The following MACROD2 variants were observed in gnomAD, a reference collection of about 807,000 sequenced individuals.
The protein encoded by MACROD2 is mono-ADP ribosylhydrolase 2.
A neutral mutation model predicts 70.4 loss-of-function variants in MACROD2; 36 were observed. That is an observed-to-expected ratio of 0.51 (90% CI 0.39 to 0.68). The LOEUF is 0.68. Ranked by LOEUF, MACROD2 falls within the 30% of genes least tolerant of loss-of-function variation. MACROD2 has a pLI of 0.00. For synonymous variants in MACROD2, 172 were observed against 178.8 expected, an observed-to-expected ratio of 0.96 and a Z score of 0.30; for missense variants, 496 against 538.4, an observed-to-expected ratio of 0.92 and a Z score of 0.78.
chr20:14,416,350 C>T (rs1315345290), intron 3 of MACROD2, among the ~76,000 whole-genome samples: 2 of 152,048 alleles, frequency 1.3e-5, no homozygotes, highest in Non-Finnish European at 1.5e-5. Context: ...TTTTTTCCCC[C>T]CAGTGTAAAT....
chr20:15,275,250 A>G (rs2077380636), intron 6 of MACROD2, among the ~76,000 whole-genome samples: 1 of 152,198 alleles, frequency 6.6e-6, no homozygotes, highest in African/African-American at 2.4e-5. Flanking sequence ...AAACAAACAA[A>G]CAAAAACAAC....
intron 3 of MACROD2, among the ~76,000 whole-genome samples, chr20:14,253,230 T>C (rs1186302686): frequency 1.3e-5 from 2 of 152,202 alleles, no homozygotes; most frequent in African/African-American, 4.8e-5. Flanking sequence ...CTTGCTTTGA[T>C]AAATACCTTT....
chr20:15,536,742 T>G (rs1022962495), intron 8 of MACROD2, among the ~76,000 whole-genome samples: 2 of 152,208 alleles, frequency 1.3e-5, no homozygotes, highest in African/African-American at 4.8e-5. Context: ...TGCTCTTCGG[T>G]GCGTTTCTGG....
chr20:14,313,860 T>C (rs1418122717), intron 3 of MACROD2, among the ~76,000 whole-genome samples: 2 of 152,152 alleles, frequency 1.3e-5, no homozygotes, highest in Non-Finnish European at 2.9e-5. Flanking sequence ...GATTCAGAAC[T>C]AGAAAGAAGG....
chr20:15,899,752 A>C (rs2065037000), intron 10 of MACROD2, among the ~76,000 whole-genome samples: 1 of 152,204 alleles, frequency 6.6e-6, no homozygotes, highest in African/African-American at 2.4e-5. Context: ...ATGCTCATTC[A>C]TCAGGAAACT....
intron 3 of MACROD2, among the ~76,000 whole-genome samples, chr20:14,320,213 G>A (rs1011286615): frequency 6.6e-6 from 1 of 152,068 alleles, no homozygotes; most frequent in Non-Finnish European, 1.5e-5. Context: ...CTACTTACCT[G>A]TGCTGAAAAT....
At chr20:14,308,031 G>A (rs1050060052) in intron 3 of MACROD2, among the ~76,000 whole-genome samples, 1 of 152,096 alleles carries the variant, frequency 6.6e-6, no homozygotes, top group African/African-American at 2.4e-5. Context: ...GTTGATTAGA[G>A]CTGTTTCATG....
chr20:15,128,073 C>T (rs1231589189), intron 5 of MACROD2, among the ~76,000 whole-genome samples: 1 of 152,030 alleles, frequency 6.6e-6, no homozygotes, highest in South Asian at 2.1e-4. Flanking sequence ...TTAGAGTCAC[C>T]TACTCACCGT....
chr20:15,777,652 C>T lies in MACROD2; in HGVS notation c.646-85093C>T, dbSNP rs12480292. ...CTCCTTCCTTCCTCTCTCTCTCTCTCTCTTTCTTTCGAGACAGAGTCTCAC... is the reference window on the plus strand; with the variant it reads ...CTCCTTCCTTCCTCTCTCTCTCTCTTTCTTTCTTTCGAGACAGAGTCTCAC... On this transcript the variant is annotated intron_variant, in intron 8 of 17. Transcript: ENST00000684519. Among the ~76,000 whole-genome samples the T allele has an allele frequency of 8.4e-3, 1,130 of 134,938 alleles. 47 individuals carry two copies. Among genetic ancestry groups the T allele is most frequent in the African/African-American group, 0.028 (999 of 36,230 alleles). 88.5% of individuals were successfully genotyped at this position (134,938 alleles called of 152,430 possible). A position where few individuals can be genotyped will look rare whatever the true frequency, so the allele number is the denominator to read the frequency against.
In MACROD2 at chr20:15,336,385, A is replaced by C. The variant is rs148968911; in HGVS notation, c.541-95020A>C. Among the ~76,000 whole-genome samples, 7 of 129,066 alleles carry C rather than the reference A, an allele frequency of 5.4e-5. No individual in the cohort carries two copies. The Admixed American group carries it at 5.6e-4, about 10-fold the overall frequency. The allele number at this position is 129,066 out of a possible 152,430, so 84.7% of individuals were successfully genotyped here. On this transcript the variant is annotated intron_variant, in intron 6 of 17. Coordinates refer to ENST00000684519, the MANE Select transcript of MACROD2 (RefSeq NM_001351661.2). ...TTGTGTGTTTTAACCAAAAAAAAAAAAGAAAAAAAAAGGTGTGGAATTGAT... is the reference window on the plus strand; with the variant it reads ...TTGTGTGTTTTAACCAAAAAAAAAACAGAAAAAAAAAGGTGTGGAATTGAT...
chr20:14,218,914 A>G (rs998252887), intron 3 of MACROD2, among the ~76,000 whole-genome samples: 4 of 152,156 alleles, frequency 2.6e-5, no homozygotes, highest in African/African-American at 9.7e-5. Context: ...TGTTAATCTG[A>G]TAGGTGTTTC....
intron 8 of MACROD2, among the ~76,000 whole-genome samples, chr20:15,765,794 T>C (rs1408701181): frequency 6.6e-6 from 1 of 151,654 alleles, no homozygotes; most frequent in Non-Finnish European, 1.5e-5. Flanking sequence ...AGACAGATAA[T>C]AGAGCTTGTA....
intron 4 of MACROD2, among the ~76,000 whole-genome samples, chr20:14,644,397 T>C (rs1985262331): frequency 6.6e-6 from 1 of 152,246 alleles, no homozygotes; most frequent in Non-Finnish European, 1.5e-5. Flanking sequence ...TTTGCCTTTC[T>C]TTGTAACTCA....
chr20:14,144,572 CTGTT>C (rs1372487376), intron 3 of MACROD2, among the ~76,000 whole-genome samples: 8 of 152,184 alleles, frequency 5.3e-5, no homozygotes, highest in Non-Finnish European at 1.2e-4. Context: ...ATCCTATTGT[CTGTT>C]CTTACAGCAC....
chr20:15,483,058 GTT>G (rs1239037840), intron 7 of MACROD2, among the ~76,000 whole-genome samples: 1 of 152,014 alleles, frequency 6.6e-6, no homozygotes, highest in East Asian at 1.9e-4. Context: ...CAGAGCAGAT[GTT>G]TTTTAATTTT....
chr20:14,451,231 C>G (rs142189070), intron 3 of MACROD2, among the ~76,000 whole-genome samples: 1 of 152,004 alleles, frequency 6.6e-6, no homozygotes, highest in South Asian at 2.1e-4. Flanking sequence ...CATCTGAGGT[C>G]AGGAGTTTGA....
chr20:14,977,296 GA>G (rs995353723), intron 5 of MACROD2, among the ~76,000 whole-genome samples: 3 of 136,190 alleles, frequency 2.2e-5, no homozygotes, highest in Non-Finnish European at 4.6e-5. Flanking sequence ...TTAACACCTT[GA>G]TTTTTTTTTT....
chr20:15,664,127 C>T (rs465525), intron 8 of MACROD2, among the ~76,000 whole-genome samples: 80,820 of 151,992 alleles, frequency 0.53, 22,008 homozygotes, highest in East Asian at 0.83. Context: ...AAGAAATCAC[C>T]TTCAGCTTGA....
chr20:14,085,549 T>C, intron 2 of MACROD2, 72 bp from the exon 3 acceptor site: 1 of 885,796 alleles, frequency 1.1e-6, no homozygotes. Flanking sequence ...TGTAGTAGTC[T>C]TGAGTAAAAA....
Sources: allele counts gnomAD v4.1 joint callset (sites outside exome capture counted in the v4.1 genomes callset), GRCh38; gene constraint gnomAD v4.1.1; transcripts MANE v1.5; gene names NCBI Gene and HGNC (gene_info 2026-07-23, HGNC 2026-07-21).